The following CNTN3 variants were observed in gnomAD, a reference collection of about 807,000 sequenced individuals.
CNTN3 encodes the protein contactin-3.
Under a neutral mutation model 119.1 loss-of-function variants are expected in CNTN3, and 60 were observed. The observed-to-expected ratio is 0.50, with a 90% CI of 0.41 to 0.62. The LOEUF is 0.62. Among genes scored for constraint, CNTN3 ranks in the 20% least tolerant of loss-of-function variants. The probability of loss-of-function intolerance (pLI) is 0.00; values close to 1 mark genes in which losing one functional copy is unlikely to be tolerated. For synonymous variants in CNTN3, 450 were observed against 438.7 expected (o/e 1.03, Z -0.32); for missense variants, 1,101 against 1,242.4 (o/e 0.89, Z 1.71).
intron 16 of CNTN3, among the ~76,000 whole-genome samples, chr3:74,300,829 C>T (rs1702439131): frequency 6.6e-6 from 1 of 152,146 alleles, no homozygotes; most frequent in Non-Finnish European, 1.5e-5. Flanking sequence ...TGTACACTTT[C>T]TAGTTTGAGT....
At chr3:74,336,420 G>T (rs953055225) in intron 12 of CNTN3, 111 bp downstream of exon 12, 2 of 1,157,104 alleles carry the variant, frequency 1.7e-6, no homozygotes, top group Non-Finnish European at 2.5e-6. Flanking sequence ...GCAAATACAG[G>T]TTCTACCTTC....
intron 11 of CNTN3, among the ~76,000 whole-genome samples, chr3:74,353,057 G>A: frequency 6.6e-6 from 1 of 152,194 alleles, no homozygotes; most frequent in South Asian, 2.1e-4. Context: ...TCCACTGTGA[G>A]GAGAGGAGCC....
chr3:74,549,097 A>G (rs1703953057), intron 1 of CNTN3, among the ~76,000 whole-genome samples: 1 of 152,154 alleles, frequency 6.6e-6, no homozygotes, highest in Admixed American at 6.5e-5. Context: ...TGTGATCCCT[A>G]GTGCTGGAGG....
intron 5 of CNTN3, among the ~76,000 whole-genome samples, chr3:74,410,301 T>C (rs1701416994): frequency 6.6e-6 from 1 of 152,142 alleles, no homozygotes; most frequent in Admixed American, 6.6e-5. Flanking sequence ...AAAATAACTT[T>C]TACTGCTTAC....
intron 1 of CNTN3, among the ~76,000 whole-genome samples, chr3:74,591,438 A>C (rs188309537): frequency 6.6e-6 from 1 of 152,088 alleles, no homozygotes; most frequent in Admixed American, 6.6e-5. Flanking sequence ...GCAGGAAGTT[A>C]TTACAGTTTT....
intron 22 of CNTN3, among the ~76,000 whole-genome samples, chr3:74,266,186 A>G (rs1168118605): frequency 1.3e-5 from 2 of 152,178 alleles, no homozygotes; most frequent in Non-Finnish European, 2.9e-5. Context: ...CTGCTTTTAT[A>G]GGAGATCCAA....
At chr3:74,449,794 G>A (rs1420048402) in intron 4 of CNTN3, among the ~76,000 whole-genome samples, 3 of 152,020 alleles carry the variant, frequency 2.0e-5, no homozygotes, top group African/African-American at 4.8e-5. Context: ...ATGAATAGCT[G>A]AATACTTTGT....
At chr3:74,501,667 G>A (rs1029910708) in intron 2 of CNTN3, among the ~76,000 whole-genome samples, 2 of 152,072 alleles carry the variant, frequency 1.3e-5, no homozygotes, top group Admixed American at 6.6e-5. Flanking sequence ...TTTGCACCAC[G>A]ACATCACCAC....
At chr3:74,338,192 C>T (rs778986906) in intron 11 of CNTN3, among the ~76,000 whole-genome samples, 27 of 152,002 alleles carry the variant, frequency 1.8e-4, no homozygotes, top group Non-Finnish European at 3.4e-4. Context: ...ACTATGGTAA[C>T]TAAATGCCTC....
intron 4 of CNTN3, among the ~76,000 whole-genome samples, chr3:74,439,233 G>T (rs1187441917): frequency 1.3e-5 from 2 of 152,184 alleles, no homozygotes; most frequent in African/African-American, 4.8e-5. Context: ...TAGGCTGGGT[G>T]TGGTGGCTCA....
At chr3:74,512,123 A>C (rs116559718) in intron 2 of CNTN3, among the ~76,000 whole-genome samples, 1 of 152,148 alleles carries the variant, frequency 6.6e-6, no homozygotes, top group Non-Finnish European at 1.5e-5. Flanking sequence ...CAATGCAATA[A>C]ATGTTATTTG....
chr3:74,319,090 C>T (rs1702913297), intron 13 of CNTN3, among the ~76,000 whole-genome samples: 1 of 152,128 alleles, frequency 6.6e-6, no homozygotes, highest in Non-Finnish European at 1.5e-5. Context: ...GCCATACTGC[C>T]CAAGGTAATT....
chr3:74,445,629 T>C (rs550173319), intron 4 of CNTN3, among the ~76,000 whole-genome samples: 12 of 152,306 alleles, frequency 7.9e-5, no homozygotes, highest in Non-Finnish European at 7.3e-5. Context: ...AACATAGCAT[T>C]ACTAAGGCAT....
At chr3:74,533,735 T>C (rs1048207411) in intron 1 of CNTN3, among the ~76,000 whole-genome samples, 1 of 152,034 alleles carries the variant, frequency 6.6e-6, no homozygotes, top group Non-Finnish European at 1.5e-5. Flanking sequence ...TGTATTTTTG[T>C]TCAAAGCCTA....
chr3:74,430,545 C>T (rs558416030), intron 4 of CNTN3, among the ~76,000 whole-genome samples: 4 of 152,076 alleles, frequency 2.6e-5, no homozygotes, highest in South Asian at 4.2e-4. Flanking sequence ...GAGTTAGAGA[C>T]CAGCCTGGGC....
chr3:74,587,295 A>G (rs78373402), intron 1 of CNTN3, among the ~76,000 whole-genome samples: 4,514 of 152,174 alleles, frequency 0.03, 84 homozygotes, highest in South Asian at 0.041. Context: ...CACTAGATAG[A>G]ACTATACACC....
chr3:74,523,569 A>G (rs745890016), intron 1 of CNTN3, among the ~76,000 whole-genome samples: 10 of 151,902 alleles, frequency 6.6e-5, no homozygotes, highest in Non-Finnish European at 1.2e-4. Flanking sequence ...TCCAGTATAT[A>G]CACGAAATCT....
intron 13 of CNTN3, among the ~76,000 whole-genome samples, chr3:74,326,387 T>G (rs1431713672): frequency 6.6e-6 from 1 of 152,176 alleles, no homozygotes. Flanking sequence ...GTGTAATATT[T>G]AGATATATGT....
chr3:74,356,442 TC>T, intron 11 of CNTN3, among the ~76,000 whole-genome samples: 1 of 152,178 alleles, frequency 6.6e-6, no homozygotes, highest in Admixed American at 6.5e-5. Context: ...AGAGAGCTTG[TC>T]CTGATCCCTA....
Sources: gnomAD v4.1 joint callset for allele counts (sites outside exome capture counted in the v4.1 genomes callset) on GRCh38, gnomAD v4.1.1 for gene constraint, MANE v1.5 for transcripts, NCBI Gene and HGNC (gene_info 2026-07-23, HGNC 2026-07-21) for gene names.